Variants in ADGRV1 observed in about 807,000 individuals in gnomAD.
ADGRV1 encodes adhesion G protein-coupled receptor V1.
Under a neutral mutation model 596.2 loss-of-function variants are expected in ADGRV1, and 359 were observed. The observed-to-expected ratio is 0.60, with a 90% CI of 0.55 to 0.66. The LOEUF is 0.66. Ranked by LOEUF, ADGRV1 falls within the 30% of genes least tolerant of loss-of-function variation. ADGRV1 has a pLI of 0.00. For synonymous variants in ADGRV1, 2,681 were observed against 2,679.2 expected, an observed-to-expected ratio of 1.00 and a Z score of -0.02; for missense variants, 7,274 against 7,575.6, an observed-to-expected ratio of 0.96 and a Z score of 1.48.
At chr5:90,664,290 G>A (rs1770913673) in intron 21 of ADGRV1, among the ~76,000 whole-genome samples, 1 of 145,096 alleles carries the variant, frequency 6.9e-6, no homozygotes, top group South Asian at 2.3e-4. Flanking sequence ...TTATTTCCTT[G>A]AGCAGTGGTT....
At position 90,783,888 on chromosome 5, in the gene ADGRV1, C is replaced by T. The variant is rs375599029; in HGVS notation, c.13484C>T (p.Ala4495Val). ...EILLTGATGGAVLGRHLVSRI... is the reference protein window; with the variant it reads ...EILLTGATGGVVLGRHLVSRI... Reference sequence around the variant, plus strand: ...CTACTCACTGGAGCTACTGGAGGAGCGGTCCTTGGGCGCCACCTAGTGAGC... The same window carrying T: ...CTACTCACTGGAGCTACTGGAGGAGTGGTCCTTGGGCGCCACCTAGTGAGC... The change falls in exon 67 of 90, where the codon GCG becomes GTG. Residue 4495 changes from alanine to valine, a missense_variant. Physicochemically the swap from Ala to Val is moderately conservative, Grantham distance 64. This residue lies in a region of ADGRV1 where 3,643 missense variants were observed against 3,809.2 expected (regional missense o/e 0.96). Transcript: ENST00000405460. The T allele has an allele frequency of 4.3e-6, 7 of 1,611,572 alleles. No homozygotes were observed. Among genetic ancestry groups the T allele is most frequent in the Middle Eastern group, 1.7e-4 (1 of 5,996 alleles).
At chr5:90,957,594 CAT>C (rs1284569641) in intron 83 of ADGRV1, among the ~76,000 whole-genome samples, 32 of 147,064 alleles carry the variant, frequency 2.2e-4, no homozygotes, top group South Asian at 8.4e-4. Context: ...ATATATATAA[CAT>C]ATATGTATAT....
intron 85 of ADGRV1, among the ~76,000 whole-genome samples, chr5:90,991,173 A>G (rs1388804316): frequency 2.0e-5 from 3 of 152,194 alleles, no homozygotes; most frequent in Admixed American, 2.0e-4. Context: ...CTTCTAAGCA[A>G]CCCCAACACA....
intron 34 of ADGRV1, among the ~76,000 whole-genome samples, chr5:90,699,880 T>G (rs1365879487): frequency 6.6e-6 from 1 of 152,168 alleles, no homozygotes; most frequent in Non-Finnish European, 1.5e-5. Flanking sequence ...AAATAAATGG[T>G]CCAAAGGTGT....
intron 85 of ADGRV1, among the ~76,000 whole-genome samples, chr5:91,000,177 C>T (rs1260086786): frequency 2.0e-5 from 3 of 151,970 alleles, no homozygotes; most frequent in Non-Finnish European, 2.9e-5. Flanking sequence ...TGAGATCTCT[C>T]AATTTTATCT....
intron 10 of ADGRV1, among the ~76,000 whole-genome samples, chr5:90,635,684 G>A (rs999923753): frequency 6.6e-6 from 1 of 151,496 alleles, no homozygotes; most frequent in Middle Eastern, 3.2e-3. Flanking sequence ...CCTCTGCCCC[G>A]GGCTCAATAG....
At chr5:90,848,896 A>G (rs1253762067) in intron 79 of ADGRV1, 75 bp downstream of exon 79, 1 of 1,041,098 alleles carries the variant, frequency 9.6e-7, no homozygotes, top group African/African-American at 1.7e-5. Context: ...ATGTAATGCA[A>G]AATGACATTT....
chr5:90,624,292 A>G (rs1179096322), intron 5 of ADGRV1, among the ~76,000 whole-genome samples: 1 of 152,220 alleles, frequency 6.6e-6, no homozygotes. Flanking sequence ...CATTTAGACA[A>G]TAAATTTTTG....
rs1351192646 is a variant in ADGRV1, at chr5:90,788,167, G to T, written c.13750G>T (p.Glu4584Ter). Reference protein sequence around the residue: ...DPVSGLFYFGEGEGGVRTIIL... With the variant: ...DPVSGLFYFG ...AGTGAGCGGGTTGTTCTATTTTGGAGAAGGAGAAGGAGGAGTGAGAACCAT... is the reference window on the plus strand; with the variant it reads ...AGTGAGCGGGTTGTTCTATTTTGGATAAGGAGAAGGAGGAGTGAGAACCAT... Residue 4584 changes from glutamate (E) to a stop codon, truncating the protein, a stop_gained, in exon 68 of 90, where the codon GAA (glutamate) becomes TAA (stop). Transcript: ENST00000405460. LOFTEE classifies it high-confidence loss of function. 6.2e-7 allele frequency: 1 copy of T among 1,613,820 alleles called. No individual in the cohort carries two copies. The highest frequency in any genetic ancestry group is 2.2e-5 in the East Asian group (1 of 44,872).
At chr5:90,907,289 T>C (rs1165136692) in intron 83 of ADGRV1, among the ~76,000 whole-genome samples, 1 of 152,204 alleles carries the variant, frequency 6.6e-6, no homozygotes, top group Non-Finnish European at 1.5e-5. Context: ...TCACTTTGGT[T>C]GGATTCACAT....
At chr5:90,780,518 T>A (rs1758724361) in intron 64 of ADGRV1, among the ~76,000 whole-genome samples, 1 of 152,160 alleles carries the variant, frequency 6.6e-6, no homozygotes, top group Non-Finnish European at 1.5e-5. Context: ...TTTTAAAGCC[T>A]TGGAAGTTGA....
intron 6 of ADGRV1, chr5:90,625,510 C>G (rs1413179185): frequency 3.7e-6 from 1 of 272,070 alleles, no homozygotes; most frequent in Non-Finnish European, 6.8e-6. Flanking sequence ...TTAGTGCTTT[C>G]AATTTTGAGC....
chr5:91,104,091 T>C (rs1791633485), intron 87 of ADGRV1, among the ~76,000 whole-genome samples: 1 of 152,154 alleles, frequency 6.6e-6, no homozygotes, highest in Admixed American at 6.5e-5. Context: ...TTTAATTTTG[T>C]CAATTAATTT....
intron 34 of ADGRV1, among the ~76,000 whole-genome samples, chr5:90,702,121 C>T (rs565094950): frequency 6.6e-6 from 1 of 151,008 alleles, no homozygotes; most frequent in African/African-American, 2.5e-5. Flanking sequence ...TTTCAATATT[C>T]CAAACTTGCT....
Position 90,672,533 on chromosome 5 carries a change from C to CAGATTAATA in ADGRV1, c.4753-12_4753-11insGATTAATAA. ...TTGCTATGCACCTATTAATAATTTA[C>CAGATTAATA]ATTCAATTTCAGATTGCAGAGGAGG... is the stretch of plus-strand genomic sequence containing the variant. On this transcript the variant is annotated splice_polypyrimidine_tract_variant and intron_variant, in intron 21 of 89. Coordinates refer to ENST00000405460, the MANE Select transcript of ADGRV1 (RefSeq NM_032119.4). 2 of 1,606,526 alleles carry CAGATTAATA rather than the reference C, an allele frequency of 1.2e-6. No homozygotes were observed. The highest frequency in any genetic ancestry group is 1.7e-6 in the Non-Finnish European group (2 of 1,174,368).
In ADGRV1 at chr5:90,759,415, G is replaced by T; in HGVS notation, c.11947G>T (p.Ala3983Ser). 1 of 1,552,672 alleles carries T rather than the reference G, an allele frequency of 6.4e-7. No individual in the cohort carries two copies. The highest frequency in any genetic ancestry group is 1.2e-5 in the South Asian group (1 of 84,440). The change falls in exon 58 of 90, where the codon GCA becomes TCA. Residue 3983 changes from alanine (A) to serine (S), a missense_variant. Transcript: ENST00000405460. ...TCCTTCCTTTCTTTCATAGGTTACT[G>T]CAATGATAGAAATCACCATAATTGA... ...ILEFADKQVT[A>S]MIEITIIDDA...
intron 50 of ADGRV1, among the ~76,000 whole-genome samples, chr5:90,733,801 G>A (rs1303934704): frequency 2.0e-5 from 3 of 152,068 alleles, no homozygotes; most frequent in Non-Finnish European, 2.9e-5. Context: ...CAGTTGAAAT[G>A]TACTCTTAGT....
At chr5:90,697,224 A>G in intron 34 of ADGRV1, 78 bp downstream of exon 34, 1 of 1,297,690 alleles carries the variant, frequency 7.7e-7, no homozygotes, top group Non-Finnish European at 1.1e-6. Flanking sequence ...TTAAAACTTG[A>G]TAGTTTTTCC....
chr5:90,956,524 G>C (rs1175461785), intron 83 of ADGRV1, among the ~76,000 whole-genome samples: 1 of 152,178 alleles, frequency 6.6e-6, no homozygotes, highest in African/African-American at 2.4e-5. Context: ...TTCGTAAACT[G>C]TCATTACAGA....
Sources: gnomAD v4.1 joint callset for allele counts (sites outside exome capture counted in the v4.1 genomes callset) on GRCh38, gnomAD v4.1.1 for gene constraint, gnomAD v4.1.1 regional missense constraint, MANE v1.5 for transcripts, NCBI Gene and HGNC (gene_info 2026-07-23, HGNC 2026-07-21) for gene names.